The following NDE1 variants were observed in gnomAD, a reference collection of about 807,000 sequenced individuals.
The protein encoded by NDE1 is nuclear distribution protein nudE homolog 1.
A neutral mutation model predicts 43.4 loss-of-function variants in NDE1; 28 were observed. That is an observed-to-expected ratio of 0.65 (90% CI 0.48 to 0.89). NDE1 has a LOEUF of 0.89. Ranked by LOEUF, NDE1 falls within the 40% of genes least tolerant of loss-of-function variation. NDE1 has a pLI of 0.00. For synonymous variants in NDE1, 184 were observed against 172.0 expected, an observed-to-expected ratio of 1.07 and a Z score of -0.55; for missense variants, 441 against 434.1, an observed-to-expected ratio of 1.02 and a Z score of -0.14.
chr16:15,719,399 A>G, intron 8 of NDE1: 2 of 1,501,620 alleles, frequency 1.3e-6, no homozygotes, highest in South Asian at 1.1e-5. Context: ...CCTTGAAAGT[A>G]CATGTTCTTC....
intron 8 of NDE1, chr16:15,704,145 ATTAT>A (rs1055513863): frequency 6.2e-7 from 1 of 1,613,418 alleles, no homozygotes; most frequent in African/African-American, 1.3e-5. Flanking sequence ...AAGAAAACAC[ATTAT>A]TTAGCAAAGA....
intron 4 of NDE1, chr16:15,686,491 G>A (rs962525388): frequency 2.0e-6 from 2 of 985,256 alleles, no homozygotes; most frequent in Non-Finnish European, 1.2e-6. Flanking sequence ...TCCACTGAGA[G>A]GTTAAATATG....
At chr16:15,715,284 A>G in intron 8 of NDE1, 2 of 1,613,836 alleles carry the variant, frequency 1.2e-6, no homozygotes, top group Non-Finnish European at 8.5e-7. Flanking sequence ...TGCAAACAGC[A>G]AGGAAAACAG....
At chr16:15,695,041 G>C in intron 7 of NDE1, 4 of 377,306 alleles carry the variant, frequency 1.1e-5, no homozygotes, top group Non-Finnish European at 1.5e-5. Context: ...AAATTAGCCA[G>C]GCCTGATGGT....
In NDE1 at chr16:15,678,101, A is replaced by T. The variant is rs572356246; in HGVS notation, c.386+152A>T. 73 of 992,900 alleles carry T rather than the reference A, an allele frequency of 7.4e-5. No individual in the cohort carries two copies. The African/African-American group carries it at 1.0e-3, about 14-fold the overall frequency. The allele number at this position is 992,900 out of a possible 1,614,324, so 61.5% of individuals were successfully genotyped here. The stretch of plus-strand genomic sequence containing the variant: ...TTCTGGATTTTAGTGCCCGGGGGGA[A>T]ATGGACAATAGTCGAAGAAGTGCAA... On this transcript the variant is annotated intron_variant, in intron 4 of 8. Transcript: ENST00000396354.
chr16:15,712,227 C>G (rs181957962), intron 8 of NDE1, among the ~76,000 whole-genome samples: 203 of 152,170 alleles, frequency 1.3e-3, no homozygotes, highest in Middle Eastern at 3.4e-3. Context: ...CATGTGGGAA[C>G]GGGAGGGTGG....
At chr16:15,706,711 A>G (rs1408740613) in intron 8 of NDE1, among the ~76,000 whole-genome samples, 5 of 152,126 alleles carry the variant, frequency 3.3e-5, no homozygotes, top group Non-Finnish European at 7.4e-5. Context: ...TCCAAAAAAA[A>G]AAACAAAAAA....
chr16:15,662,010 T>C (rs954722845), intron 1 of NDE1, among the ~76,000 whole-genome samples: 1 of 152,110 alleles, frequency 6.6e-6, no homozygotes, highest in African/African-American at 2.4e-5. Flanking sequence ...CATAGCTTAC[T>C]GCAGCCTCAA....
chr16:15,722,901 G>A (rs879280662), intron 8 of NDE1, among the ~76,000 whole-genome samples: 11 of 152,182 alleles, frequency 7.2e-5, no homozygotes, highest in Admixed American at 4.6e-4. Flanking sequence ...GCGCCACCAC[G>A]CCCGGCTAAT....
rs759387362 is a variant in NDE1 at position 15,703,837 on chromosome 16, G to T, written c.947+6977G>T. ...GGTTTTTATATTCCTTGTGTGAGGG[G>T]TGTCTGTGATATTTGGAATTTGAGA... On this transcript the variant is annotated intron_variant, in intron 8 of 8. Transcript: ENST00000396354. 1.2e-5 allele frequency: 12 copies of T among 1,003,700 alleles called. No homozygotes were observed. In the African/African-American group the frequency reaches 1.8e-4, roughly 15 times the overall value. The allele number at this position is 1,003,700 out of a possible 1,614,324, so 62.2% of individuals were successfully genotyped here.
intron 8 of NDE1, chr16:15,712,895 T>TTTTTTTTTTTTA (rs1567680276): frequency 2.7e-5 from 4 of 148,746 alleles, no homozygotes; most frequent in African/African-American, 1.0e-4. Flanking sequence ...TTTTTTTTTT[T>TTTTTTTTTTTTA]GAGACCGAGT....
chr16:15,722,587 C>T (rs941623257), intron 8 of NDE1, among the ~76,000 whole-genome samples: 11 of 152,080 alleles, frequency 7.2e-5, no homozygotes, highest in Non-Finnish European at 1.6e-4. Flanking sequence ...AACCAGATAA[C>T]GAAGCATTGA....
At position 15,694,202 on chromosome 16, in the gene NDE1, T is replaced by G. The variant is rs138534309; in HGVS notation, c.741T>G (p.Pro247=). The change falls in exon 7 of 9, where the codon CCT becomes CCG. Residue 247 remains proline, a synonymous_variant. Coordinates refer to ENST00000396354, the MANE Select transcript of NDE1 (RefSeq NM_017668.3). ...CCACCGGGGGGACCCCCCTCACACC[T>G]GCGGCCCGGATATCAGCCCTCAACA... ...DDSTGGTPLT[P]AARISALNIV... The G allele has an allele frequency of 2.2e-5, 36 of 1,613,164 alleles. 1 individual carries two copies. In the African/African-American group the frequency reaches 3.2e-4, roughly 14 times the overall value.
Position 15,688,360 on chromosome 16 carries a change from C to G in NDE1, c.523+849C>G, listed in dbSNP as rs939866718. Among the ~76,000 whole-genome samples the G allele has an allele frequency of 6.6e-5, 10 of 151,894 alleles. 1 individual carries two copies. Among genetic ancestry groups the G allele is most frequent in the African/African-American group, 2.4e-4 (10 of 41,382 alleles). ...AACTGTAATGAGGCATTTGGCCAGG[C>G]ACAGTGGTTCACACCTGTAATCCCA... On this transcript the variant is annotated intron_variant, in intron 5 of 8. Coordinates refer to ENST00000396354, the MANE Select transcript of NDE1 (RefSeq NM_017668.3).
intron 1 of NDE1, among the ~76,000 whole-genome samples, chr16:15,653,841 C>T (rs2036622016): frequency 6.6e-6 from 1 of 151,962 alleles, no homozygotes; most frequent in South Asian, 2.1e-4. Flanking sequence ...GATCCTCCCA[C>T]CTCAGCCTCC....
upstream of NDE1, among the ~76,000 whole-genome samples, chr16:15,647,940 G>T (rs2036363666): frequency 6.6e-6 from 1 of 151,778 alleles, no homozygotes. Context: ...GGATGAGGTG[G>T]GAGGATCACT....
intron 7 of NDE1, chr16:15,694,730 A>G (rs1334430013): frequency 1.0e-6 from 1 of 985,216 alleles, no homozygotes; most frequent in East Asian, 1.1e-4. Context: ...TGTGGGAGTT[A>G]CTGCCAGACA....
chr16:15,692,611 T>C (rs552039760), intron 6 of NDE1, among the ~76,000 whole-genome samples: 165 of 151,990 alleles, frequency 1.1e-3, no homozygotes, highest in Non-Finnish European at 1.8e-3. Context: ...GGTTTCACCA[T>C]GTTGGCCGGG....
chr16:15,687,121 G>A, intron 4 of NDE1: 1 of 1,365,148 alleles, frequency 7.3e-7, no homozygotes. Flanking sequence ...ATTGCTGAGT[G>A]CTGTGTGGGC....
Sources: allele counts gnomAD v4.1 joint callset (sites outside exome capture counted in the v4.1 genomes callset), GRCh38; gene constraint gnomAD v4.1.1; transcripts MANE v1.5; gene names NCBI Gene and HGNC (gene_info 2026-07-23, HGNC 2026-07-21).